Variants in FAM240A observed in about 807,000 individuals in gnomAD.
The protein encoded by FAM240A is family with sequence similarity 240 member A, also known as protein FAM240A.
A neutral mutation model predicts 7.3 loss-of-function variants in FAM240A; 8 were observed. That is an observed-to-expected ratio of 1.09 (90% CI 0.64 to 1.97). FAM240A has a LOEUF of 1.97. Ranked by LOEUF, FAM240A falls within the 30% of genes most tolerant of loss-of-function variation. The pLI, the probability that FAM240A is intolerant of heterozygous loss-of-function variation, is 0.00. For synonymous variants in FAM240A, 32 were observed against 35.9 expected, an observed-to-expected ratio of 0.89 and a Z score of 0.38; for missense variants, 90 against 102.2, an observed-to-expected ratio of 0.88 and a Z score of 0.52.
intron 2 of FAM240A, among the ~76,000 whole-genome samples, chr3:46,617,582 C>T (rs1265494549): frequency 6.6e-6 from 1 of 152,152 alleles, no homozygotes; most frequent in African/African-American, 2.4e-5. Flanking sequence ...CAGAAGAATG[C>T]CAGATGGGCA....
In FAM240A at chr3:46,612,570, T is replaced by G; in HGVS notation, c.-114T>G. ...AGGCTTGCGAGGGACAAATGTTCCT[T>G]TGTTCTTGTTGATTTGCTGAACGTG... On this transcript the variant is annotated 5_prime_UTR_variant, in exon 1 of 3. Coordinates refer to ENST00000640551, the MANE Select transcript of FAM240A (RefSeq NM_001195442.2). The G allele has an allele frequency of 1.2e-6, 1 of 808,054 alleles. No homozygotes were observed. The highest frequency in any genetic ancestry group is 2.1e-6 in the Non-Finnish European group (1 of 484,988). The allele number at this position is 808,054 out of a possible 1,614,324, so 50.1% of individuals were successfully genotyped here.
rs1352733045 is a variant in FAM240A, at chr3:46,617,295, A to G, written c.128A>G (p.Glu43Gly). Reference protein sequence around the residue: ...IGKQTYYRESEERRLGRSALR... With the variant: ...IGKQTYYRESGERRLGRSALR... ...AAACAGACTTACTACCGAGAATCAG[A>G]GGAACGTCGTCTGGGAAGAAGCGCA... is the stretch of plus-strand genomic sequence containing the variant. The change falls in exon 2 of 3, where the codon GAG becomes GGG. Residue 43 changes from glutamate to glycine, a missense_variant. Physicochemically the swap from Glu to Gly is moderately conservative, Grantham distance 98. Coordinates refer to ENST00000640551, the MANE Select transcript of FAM240A (RefSeq NM_001195442.2). 7.8e-6 allele frequency: 12 copies of G among 1,534,786 alleles called. No individual in the cohort carries two copies. The highest frequency in any genetic ancestry group is 9.6e-6 in the Non-Finnish European group (11 of 1,146,264).
chr3:46,623,984 T>C (rs549184770), intron 2 of FAM240A, among the ~76,000 whole-genome samples: 49 of 152,282 alleles, frequency 3.2e-4, no homozygotes, highest in South Asian at 1.4e-3. Context: ...ATCAAGTGAG[T>C]ATTTTTTATG....
chr3:46,616,339 TA>T (rs1450566553), intron 1 of FAM240A, among the ~76,000 whole-genome samples: 1 of 152,220 alleles, frequency 6.6e-6, no homozygotes, highest in African/African-American at 2.4e-5. Flanking sequence ...GTTCAGCTTC[TA>T]TTTTTTTTTA....
chr3:46,625,054 C>G, intron 2 of FAM240A, 74 bp from the exon 3 acceptor site: 1 of 1,103,816 alleles, frequency 9.1e-7, no homozygotes, highest in Non-Finnish European at 1.3e-6. Context: ...GCTGGGAGGA[C>G]AGGAAGAAAG....
In FAM240A at chr3:46,612,711, T is replaced by C. The variant is rs764490156; in HGVS notation, c.15+13T>C. ...GCGGTTGTTCTCTGTAAGTGTTAAT[T>C]AATTTGTTGATTTTGTGAAGTAAAA... On this transcript the variant is annotated intron_variant, in intron 1 of 2. Coordinates refer to ENST00000640551, the MANE Select transcript of FAM240A (RefSeq NM_001195442.2). 6.3e-5 allele frequency: 97 copies of C among 1,532,768 alleles called. No homozygotes were observed. The highest frequency in any genetic ancestry group is 5.0e-4 in the Middle Eastern group (3 of 5,980). The allele number at this position is 1,532,768 out of a possible 1,614,324, so 94.9% of individuals were successfully genotyped here. A position where few individuals can be genotyped will look rare whatever the true frequency, so the allele number is the denominator to read the frequency against.
intron 2 of FAM240A, among the ~76,000 whole-genome samples, chr3:46,617,569 C>T (rs1276259720): frequency 1.3e-5 from 2 of 152,102 alleles, no homozygotes; most frequent in Admixed American, 1.3e-4. Flanking sequence ...AAATTAATTT[C>T]CCCAGAAGAA....
chr3:46,620,721 C>A (rs1197813027), intron 2 of FAM240A, among the ~76,000 whole-genome samples: 1 of 152,066 alleles, frequency 6.6e-6, no homozygotes, highest in African/African-American at 2.4e-5. Flanking sequence ...TTAAAGAAAT[C>A]CTAAAAGATA....
intron 2 of FAM240A, among the ~76,000 whole-genome samples, chr3:46,621,790 A>G (rs564365079): frequency 8.9e-4 from 134 of 151,034 alleles, no homozygotes; most frequent in African/African-American, 3.1e-3. Context: ...AAAAAAAACT[A>G]CATAGTTGGA....
At chr3:46,618,248 G>T (rs376171073) in intron 2 of FAM240A, among the ~76,000 whole-genome samples, 1 of 152,180 alleles carries the variant, frequency 6.6e-6, no homozygotes, top group African/African-American at 2.4e-5. Context: ...CACTTATAGA[G>T]ACCTGCTCAG....
chr3:46,618,114 T>C (rs1416778352), intron 2 of FAM240A, among the ~76,000 whole-genome samples: 2 of 152,172 alleles, frequency 1.3e-5, no homozygotes, highest in Non-Finnish European at 2.9e-5. Context: ...TTGTGTGCTG[T>C]CCAGACAGCA....
At chr3:46,618,665 A>G (rs1241699625) in intron 2 of FAM240A, among the ~76,000 whole-genome samples, 1 of 151,784 alleles carries the variant, frequency 6.6e-6, no homozygotes, top group East Asian at 1.9e-4. Flanking sequence ...ACAAGGAGAA[A>G]CCCCATCTCT....
rs892225427 is a variant in FAM240A, at chr3:46,617,193, A to C, written c.26A>C (p.Asn9Thr). Residue 9 changes from asparagine to threonine, a missense_variant, in exon 2 of 3, where the codon AAT (asparagine) becomes ACT (threonine). Physicochemically the swap from Asn to Thr is moderately conservative, Grantham distance 65. Coordinates refer to ENST00000640551, the MANE Select transcript of FAM240A (RefSeq NM_001195442.2). The stretch of plus-strand genomic sequence containing the variant: ...TATTTTCCTTTTTAGGGGATGAACA[A>C]TCAATACACCCGTCGGGAGGTCTTC... MRLFSGMN[N>T]QYTRREVFCR... 6.5e-7 allele frequency: 1 copy of C among 1,527,216 alleles called. No homozygotes were observed. The allele number at this position is 1,527,216 out of a possible 1,614,324, so 94.6% of individuals were successfully genotyped here.
chr3:46,614,350 T>G (rs1697604687), intron 1 of FAM240A, among the ~76,000 whole-genome samples: 1 of 152,246 alleles, frequency 6.6e-6, no homozygotes, highest in Non-Finnish European at 1.5e-5. Context: ...CTGCTCATAG[T>G]GAGGACAATG....
At chr3:46,614,043 T>C (rs556063499) in intron 1 of FAM240A, among the ~76,000 whole-genome samples, 179 of 152,224 alleles carry the variant, frequency 1.2e-3, no homozygotes, top group Middle Eastern at 6.8e-3. Flanking sequence ...CTCAGCCTCC[T>C]GAGTAGCTGG....
At chr3:46,617,593 T>C (rs1410764737) in intron 2 of FAM240A, among the ~76,000 whole-genome samples, 1 of 152,186 alleles carries the variant, frequency 6.6e-6, no homozygotes, top group Non-Finnish European at 1.5e-5. Flanking sequence ...CAGATGGGCA[T>C]CTTAGAGGAG....
At chr3:46,621,792 A>G (rs913257680) in intron 2 of FAM240A, among the ~76,000 whole-genome samples, 12 of 151,788 alleles carry the variant, frequency 7.9e-5, no homozygotes, top group Non-Finnish European at 1.5e-5. Flanking sequence ...AAAAAACTAC[A>G]TAGTTGGATT....
chr3:46,624,887 AATTAAG>A (rs1489773313), intron 2 of FAM240A, among the ~76,000 whole-genome samples: 2 of 151,656 alleles, frequency 1.3e-5, no homozygotes, highest in Non-Finnish European at 2.9e-5. Flanking sequence ...AAATCCAGAG[AATTAAG>A]ATTAAGTACT....
intron 2 of FAM240A, among the ~76,000 whole-genome samples, chr3:46,619,993 A>T (rs916865669): frequency 4.6e-5 from 7 of 152,094 alleles, no homozygotes; most frequent in African/African-American, 1.7e-4. Flanking sequence ...CAAGAAAACC[A>T]CGGAACTGGC....
Sources: gnomAD v4.1 joint callset for allele counts (sites outside exome capture counted in the v4.1 genomes callset) on GRCh38, gnomAD v4.1.1 for gene constraint, MANE v1.5 for transcripts, NCBI Gene and HGNC (gene_info 2026-07-23, HGNC 2026-07-21) for gene names.